The following SLC26A2 variants were observed in gnomAD, a reference collection of about 807,000 sequenced individuals.
SLC26A2 encodes solute carrier family 26 member 2.
In SLC26A2, 36 loss-of-function variants were observed where a neutral mutation model predicts 41.1. The observed-to-expected ratio is 0.88, with a 90% CI of 0.67 to 1.16. SLC26A2 has a LOEUF of 1.16. SLC26A2 is among the 50% of genes most tolerant of loss of function. SLC26A2 has a pLI of 0.00. For missense variants in SLC26A2, 796 were observed against 869.6 expected (o/e 0.92, Z 1.07); for synonymous variants, 291 against 311.6 (o/e 0.93, Z 0.70).
rs1167206926 is a variant in SLC26A2, at chr5:149,983,267, A to T, written c.*1454A>T. ...AACTTAGCTTTATTGTTAGCTCCAT[A>T]AGCTGCCAGTGTTGCTTTTCTGTTG... On this transcript the variant is annotated 3_prime_UTR_variant, in exon 3 of 3. Transcript: ENST00000286298. The T allele has an allele frequency of 6.6e-6, 1 of 152,016 alleles. No homozygotes were observed. The highest frequency in any genetic ancestry group is 1.5e-5 in the Non-Finnish European group (1 of 68,012). 9.4% of individuals were successfully genotyped at this position (152,016 alleles called of 1,614,324 possible). A position where few individuals can be genotyped will look rare whatever the true frequency, so the allele number is the denominator to read the frequency against.
chr5:149,977,919 T>G lies in SLC26A2; in HGVS notation c.267T>G (p.Ile89Met). 1 of 1,614,154 alleles carries G rather than the reference T, an allele frequency of 6.2e-7. No homozygotes were observed. Among genetic ancestry groups the G allele is most frequent in the Non-Finnish European group, 8.5e-7 (1 of 1,180,020 alleles). Residue 89 changes from isoleucine to methionine, a missense_variant, in exon 2 of 3, where the codon ATT becomes ATG. Transcript: ENST00000286298. ...QCSPAKAKNM[I>M]LGFLPVLQWL... ...GTCCAGCCAAAGCCAAAAATATGATTTTAGGTTTCCTTCCTGTTTTGCAGT... is the reference window on the plus strand; with the variant it reads ...GTCCAGCCAAAGCCAAAAATATGATGTTAGGTTTCCTTCCTGTTTTGCAGT...
rs964674341 is a variant in SLC26A2, at chr5:149,986,543, TAAAAA to T, written c.*4734_*4738del. The T allele has an allele frequency of 6.6e-6, 1 of 152,008 alleles. No individual in the cohort carries two copies. The highest frequency in any genetic ancestry group is 6.6e-5 in the Admixed American group (1 of 15,240). 9.4% of individuals were successfully genotyped at this position (152,008 alleles called of 1,614,324 possible). On this transcript the variant is annotated 3_prime_UTR_variant, in exon 3 of 3. Transcript: ENST00000286298. ...GGTAATTTTTATCCTGATAAGGACT[TAAAAA>T]AAAGTTTTGCAACTGAAATTTTAAA...
intron 1 of SLC26A2, among the ~76,000 whole-genome samples, chr5:149,966,967 C>T (rs1381476973): frequency 2.0e-5 from 3 of 152,100 alleles, no homozygotes; most frequent in African/African-American, 7.2e-5. Flanking sequence ...CATTCAGTGA[C>T]GATTTCTTAG....
intron 2 of SLC26A2, among the ~76,000 whole-genome samples, chr5:149,979,236 A>T (rs898286079): frequency 3.9e-5 from 6 of 152,116 alleles, no homozygotes; most frequent in African/African-American, 1.4e-4. Flanking sequence ...GGCTTTTGGC[A>T]TCCAGGAGTC....
rs1755185534 is a variant in SLC26A2 at position 149,985,589 on chromosome 5, T to C, written c.*3776T>C. 6.6e-6 allele frequency: 1 copy of C among 152,190 alleles called. No homozygotes were observed. Among genetic ancestry groups the C allele is most frequent in the Non-Finnish European group, 1.5e-5 (1 of 68,040 alleles). 9.4% of individuals were successfully genotyped at this position (152,190 alleles called of 1,614,324 possible). On this transcript the variant is annotated 3_prime_UTR_variant, in exon 3 of 3. Transcript: ENST00000286298. ...GAACATGTTAGGGTTAGCCCTGATC[T>C]GAATATAAAAGTGAGAAAAGGGCTA...
intron 1 of SLC26A2, among the ~76,000 whole-genome samples, chr5:149,963,947 A>G (rs953262434): frequency 2.0e-5 from 3 of 152,046 alleles, no homozygotes; most frequent in Non-Finnish European, 4.4e-5. Flanking sequence ...AGGTTGGGCA[A>G]TGAGCAAAGG....
Position 149,977,776 on chromosome 5 carries a change from T to A in SLC26A2, c.124T>A (p.Phe42Ile). The change falls in exon 2 of 3, where the codon TTT becomes ATT. Residue 42 changes from phenylalanine (F) to isoleucine (I), a missense_variant. Phe to Ile is a conservative substitution (Grantham distance 21, BLOSUM62 0). Transcript: ENST00000286298. ...QRESSTDFKQ[F>I]ETNDQCRPYH... ...GGAATCAAGTACTGACTTCAAGCAA[T>A]TTGAGACCAATGATCAATGCAGACC... 1 of 1,614,050 alleles carries A rather than the reference T, an allele frequency of 6.2e-7. No individual in the cohort carries two copies. Among genetic ancestry groups the A allele is most frequent in the Non-Finnish European group, 8.5e-7 (1 of 1,179,904 alleles).
Position 149,978,211 on chromosome 5 carries a change from A to T in SLC26A2, c.559A>T (p.Asn187Tyr), listed in dbSNP as rs1184686405. The T allele has an allele frequency of 6.2e-7, 1 of 1,614,026 alleles. No individual in the cohort carries two copies. Among genetic ancestry groups the T allele is most frequent in the African/African-American group, 1.3e-5 (1 of 74,916 alleles). ...AGAACTACAGAAAGCTGGCTATGAC[A>T]ATGCCCATAGTGCTCCTTCCTTAGG... ...DRELQKAGYD[N>Y]AHSAPSLGMV... The change falls in exon 2 of 3, where the codon AAT (asparagine) becomes TAT (tyrosine). Residue 187 changes from asparagine (N) to tyrosine (Y), a missense_variant. Coordinates refer to ENST00000286298, the MANE Select transcript of SLC26A2 (RefSeq NM_000112.4).
intron 1 of SLC26A2, among the ~76,000 whole-genome samples, chr5:149,964,232 C>G (rs371344844): frequency 4.7e-4 from 72 of 152,264 alleles, no homozygotes; most frequent in African/African-American, 1.7e-3. Context: ...TTGCTCATGC[C>G]TATAATCCCA....
intron 1 of SLC26A2, among the ~76,000 whole-genome samples, chr5:149,974,427 A>G (rs1297931411): frequency 1.3e-5 from 2 of 150,642 alleles, no homozygotes; most frequent in African/African-American, 4.9e-5. Context: ...TTATATATAT[A>G]TGTATTTTTT....
rs564022529 is a variant in SLC26A2, at chr5:149,964,595, G to A, written c.-26+3616G>A. On this transcript the variant is annotated intron_variant, in intron 1 of 2. Transcript: ENST00000286298. ...GCTCGAGACCATCCTGGCTAACACG[G>A]TGAAACTCTGTCTCTACTAAAAATA... is the stretch of plus-strand genomic sequence containing the variant. 1.8e-4 allele frequency among the ~76,000 whole-genome samples: 27 copies of A among 152,232 alleles called. 1 individual carries two copies. In the South Asian group the frequency reaches 5.0e-3, roughly 28 times the overall value.
In SLC26A2 at chr5:149,977,895, T is replaced by C; in HGVS notation, c.243T>C (p.Ser81=). 1.2e-6 allele frequency: 2 copies of C among 1,614,222 alleles called. No individual in the cohort carries two copies. The highest frequency in any genetic ancestry group is 1.7e-5 in the Admixed American group (1 of 60,024). The change falls in exon 2 of 3, where the codon AGT becomes AGC. Residue 81 remains serine (S), a synonymous_variant. Transcript: ENST00000286298. ...AGCTGCAGAAGAATTGCCAGTGCAG[T>C]CCAGCCAAAGCCAAAAATATGATTT... ...IKKLQKNCQC[S]PAKAKNMILG... is the part of the protein sequence containing the mutation.
At position 149,977,777 on chromosome 5, in the gene SLC26A2, T is replaced by C. The variant is rs770030403; in HGVS notation, c.125T>C (p.Phe42Ser). 1.9e-6 allele frequency: 3 copies of C among 1,613,910 alleles called. No individual in the cohort carries two copies. Among genetic ancestry groups the C allele is most frequent in the Non-Finnish European group, 2.5e-6 (3 of 1,179,898 alleles). ...GAATCAAGTACTGACTTCAAGCAAT[T>C]TGAGACCAATGATCAATGCAGACCT... The part of the protein sequence containing the change: ...QRESSTDFKQ[F>S]ETNDQCRPYH... Residue 42 changes from phenylalanine (F) to serine (S), a missense_variant, in exon 2 of 3, where the codon TTT becomes TCT. Physicochemically the swap from Phe to Ser is radical, Grantham distance 155 (BLOSUM62 -2). Transcript: ENST00000286298.
At position 149,980,516 on chromosome 5, in the gene SLC26A2, G is replaced by A. The variant is rs1393134111; in HGVS notation, c.923G>A (p.Ser308Asn). The A allele has an allele frequency of 6.2e-7, 1 of 1,614,082 alleles. No homozygotes were observed. Among genetic ancestry groups the A allele is most frequent in the Admixed American group, 1.7e-5 (1 of 60,018 alleles). ...HKTNLCDLIT[S>N]LLCLLVLLPT... Reference sequence around the variant, plus strand: ...ACCAATCTCTGTGATCTTATCACCAGCCTTTTGTGCCTTTTGGTTCTTTTG... The same window carrying A: ...ACCAATCTCTGTGATCTTATCACCAACCTTTTGTGCCTTTTGGTTCTTTTG... The change falls in exon 3 of 3, where the codon AGC becomes AAC. Residue 308 changes from serine to asparagine, a missense_variant. Transcript: ENST00000286298.
At position 149,980,801 on chromosome 5, in the gene SLC26A2, TG is replaced by T; in HGVS notation, c.1209del (p.Met403IlefsTer57). On this transcript the variant is annotated frameshift_variant, in exon 3 of 3. Coordinates refer to ENST00000286298, the MANE Select transcript of SLC26A2 (RefSeq NM_000112.4). LOFTEE classifies it high-confidence loss of function. ...GFAITVSLSE[M>X]FAKKHGYTVK... is the part of the protein sequence containing the mutation. Reference sequence around the variant, plus strand: ...GCTATCACTGTATCACTTTCTGAGATGTTTGCCAAGAAACATGGTTACACAG... The same window carrying T: ...GCTATCACTGTATCACTTTCTGAGATTTTGCCAAGAAACATGGTTACACAG... 1.2e-6 allele frequency: 2 copies of T among 1,614,098 alleles called. No individual in the cohort carries two copies. Among genetic ancestry groups the T allele is most frequent in the Non-Finnish European group, 1.7e-6 (2 of 1,180,006 alleles).
In SLC26A2 at chr5:149,982,973, G is replaced by T. The variant is rs1755135148; in HGVS notation, c.*1160G>T. ...GACCTTGAAAGGTAAGAAAAAACCA[G>T]GTTCTCCAAAGTTAGGAATAGGGAA... On this transcript the variant is annotated 3_prime_UTR_variant, in exon 3 of 3. Transcript: ENST00000286298. 1 of 151,236 alleles carries T rather than the reference G, an allele frequency of 6.6e-6. No individual in the cohort carries two copies. The highest frequency in any genetic ancestry group is 2.1e-4 in the South Asian group (1 of 4,782). 9.4% of individuals were successfully genotyped at this position (151,236 alleles called of 1,614,324 possible). A position where few individuals can be genotyped will look rare whatever the true frequency, so the allele number is the denominator to read the frequency against.
intron 1 of SLC26A2, among the ~76,000 whole-genome samples, chr5:149,974,015 C>T (rs116114658): frequency 0.012 from 1,884 of 152,122 alleles, 32 homozygotes; most frequent in African/African-American, 0.044. Context: ...CAGGCTTGGT[C>T]GTGCACACCT....
intron 1 of SLC26A2, among the ~76,000 whole-genome samples, chr5:149,968,672 G>A (rs1458723943): frequency 1.3e-5 from 2 of 150,050 alleles, no homozygotes; most frequent in South Asian, 2.1e-4. Context: ...CGCCTGCCTC[G>A]GCCTCCCAAA....
In SLC26A2 at chr5:149,985,669, A is replaced by C. The variant is rs1049138767; in HGVS notation, c.*3856A>C. The C allele has an allele frequency of 1.3e-5, 2 of 152,180 alleles. No homozygotes were observed. The highest frequency in any genetic ancestry group is 4.8e-5 in the African/African-American group (2 of 41,442). 9.4% of individuals were successfully genotyped at this position (152,180 alleles called of 1,614,324 possible). A position where few individuals can be genotyped will look rare whatever the true frequency, so the allele number is the denominator to read the frequency against. On this transcript the variant is annotated 3_prime_UTR_variant, in exon 3 of 3. Coordinates refer to ENST00000286298, the MANE Select transcript of SLC26A2 (RefSeq NM_000112.4). ...TCTTGAAGTTATAATGATCCATTCG[A>C]GTTCTGTGATCCTTATTGTTCTTAA...
Sources: allele counts gnomAD v4.1 joint callset (sites outside exome capture counted in the v4.1 genomes callset), GRCh38; gene constraint gnomAD v4.1.1; transcripts MANE v1.5; gene names NCBI Gene and HGNC (gene_info 2026-07-23, HGNC 2026-07-21).